The following B3GALT1 variants were observed in gnomAD, a reference collection of about 807,000 sequenced individuals.
B3GALT1 encodes the protein UDP-Gal:betaGlcNAc beta 1,3-galactosyltransferase, polypeptide 1.
Under a neutral mutation model 23.2 loss-of-function variants are expected in B3GALT1, and 10 were observed. That is an observed-to-expected ratio of 0.43 (90% CI 0.27 to 0.73). The LOEUF is 0.73. Ranked by LOEUF, B3GALT1 falls within the 30% of genes least tolerant of loss-of-function variation. B3GALT1 has a pLI of 0.21. For missense variants in B3GALT1, 299 were observed against 405.4 expected, an observed-to-expected ratio of 0.74 and a Z score of 2.25; for synonymous variants, 156 against 141.5, an observed-to-expected ratio of 1.10 and a Z score of -0.73.
intron 2 of B3GALT1, among the ~76,000 whole-genome samples, chr2:167,573,414 C>T (rs1030827266): frequency 1.3e-5 from 2 of 151,692 alleles, no homozygotes; most frequent in Non-Finnish European, 3.0e-5. Context: ...CTCATAATTG[C>T]AGTTTCATTC....
At chr2:167,838,200 G>A (rs1314107224) in intron 4 of B3GALT1, among the ~76,000 whole-genome samples, 1 of 151,530 alleles carries the variant, frequency 6.6e-6, no homozygotes, top group African/African-American at 2.4e-5. Context: ...AGGAAATAGA[G>A]ACACAAAAAA....
intron 3 of B3GALT1, among the ~76,000 whole-genome samples, chr2:167,674,406 A>G (rs561371916): frequency 2.1e-4 from 32 of 152,212 alleles, no homozygotes; most frequent in African/African-American, 7.5e-4. Flanking sequence ...AAATGTCCCA[A>G]TTTGTTTCAT....
intron 2 of B3GALT1, among the ~76,000 whole-genome samples, chr2:167,598,080 C>T (rs944603674): frequency 8.5e-5 from 13 of 152,106 alleles, no homozygotes; most frequent in Admixed American, 3.9e-4. Flanking sequence ...GAATCTAGTA[C>T]GGAATTCACA....
chr2:167,677,338 T>C (rs1686445899), intron 3 of B3GALT1, among the ~76,000 whole-genome samples: 1 of 152,208 alleles, frequency 6.6e-6, no homozygotes, highest in South Asian at 2.1e-4. Context: ...TAAACTATTT[T>C]TAAGGAACAG....
chr2:167,332,574 G>A (rs1696990241), intron 1 of B3GALT1, among the ~76,000 whole-genome samples: 1 of 152,212 alleles, frequency 6.6e-6, no homozygotes, highest in African/African-American at 2.4e-5. Context: ...AGGAAGTTAG[G>A]AAAGGTAGGT....
At chr2:167,802,973 A>G (rs1212472282) in intron 3 of B3GALT1, among the ~76,000 whole-genome samples, 1 of 152,132 alleles carries the variant, frequency 6.6e-6, no homozygotes, top group Non-Finnish European at 1.5e-5. Flanking sequence ...GTACCTACAC[A>G]TGTGTTATTT....
intron 1 of B3GALT1, among the ~76,000 whole-genome samples, chr2:167,411,983 G>A (rs963829455): frequency 1.3e-5 from 2 of 152,128 alleles, no homozygotes; most frequent in African/African-American, 2.4e-5. Flanking sequence ...GTTCTCACTC[G>A]TGTAGGAGCT....
intron 3 of B3GALT1, among the ~76,000 whole-genome samples, chr2:167,705,021 C>T (rs891343223): frequency 5.3e-5 from 8 of 152,198 alleles, no homozygotes; most frequent in Non-Finnish European, 1.2e-4. Context: ...TCCATCCCTC[C>T]TAGTGGGAAA....
chr2:167,841,284 G>C (rs1273636316), intron 4 of B3GALT1, among the ~76,000 whole-genome samples: 1 of 151,208 alleles, frequency 6.6e-6, no homozygotes, highest in African/African-American at 2.4e-5. Flanking sequence ...CCTGCCCCAG[G>C]GTGTTAGAGC....
intron 2 of B3GALT1, among the ~76,000 whole-genome samples, chr2:167,614,361 T>TA (rs202093579): frequency 0.025 from 3,579 of 144,652 alleles, 53 homozygotes; most frequent in Non-Finnish European, 0.041. Context: ...AAAGTCTTTG[T>TA]AAAAAAAAAA....
intron 2 of B3GALT1, among the ~76,000 whole-genome samples, chr2:167,522,503 C>T (rs781387208): frequency 1.3e-5 from 2 of 152,036 alleles, no homozygotes; most frequent in East Asian, 1.9e-4. Flanking sequence ...TGCCAATATC[C>T]GAGATGTTCA....
intron 2 of B3GALT1, among the ~76,000 whole-genome samples, chr2:167,569,608 A>C (rs1684254379): frequency 6.6e-6 from 1 of 151,846 alleles, no homozygotes. Context: ...ATTTGCAAAC[A>C]ATGAGCATTT....
In B3GALT1 at chr2:167,837,618, C is replaced by G. The variant is rs572011727; in HGVS notation, c.-230+18825C>G. Among the ~76,000 whole-genome samples the G allele has an allele frequency of 2.9e-4, 44 of 150,420 alleles. 1 individual carries two copies. Among genetic ancestry groups the G allele is most frequent in the Admixed American group, 2.6e-3 (39 of 15,110 alleles). ...CCACTGTCAACATTAGACAGATCAA[C>G]GAGACAGAAAGTCAACAAGGATACC... On this transcript the variant is annotated intron_variant, in intron 4 of 4. Coordinates refer to ENST00000392690, the MANE Select transcript of B3GALT1 (RefSeq NM_020981.4).
chr2:167,647,121 C>T (rs1379384771), intron 3 of B3GALT1, among the ~76,000 whole-genome samples, 155 bp downstream of exon 3: 6 of 152,066 alleles, frequency 3.9e-5, no homozygotes, highest in Admixed American at 3.9e-4. Context: ...AGACATGAAC[C>T]TTCTCAAGTA....
intron 2 of B3GALT1, among the ~76,000 whole-genome samples, chr2:167,566,979 T>A (rs1490964804): frequency 6.6e-6 from 1 of 152,224 alleles, no homozygotes; most frequent in Non-Finnish European, 1.5e-5. Flanking sequence ...TCTTGCAATC[T>A]TACTGCATCA....
chr2:167,628,937 A>G (rs555887752), intron 2 of B3GALT1, among the ~76,000 whole-genome samples: 6 of 151,834 alleles, frequency 4.0e-5, no homozygotes, highest in African/African-American at 1.4e-4. Flanking sequence ...TTACTTGCAT[A>G]GGGCACATGG....
At chr2:167,537,745 C>A (rs572915340) in intron 2 of B3GALT1, among the ~76,000 whole-genome samples, 45 of 151,814 alleles carry the variant, frequency 3.0e-4, no homozygotes, top group Non-Finnish European at 6.2e-4. Flanking sequence ...ACTGGTGGCT[C>A]AAAATGATCC....
chr2:167,457,878 C>G (rs1382277182), intron 1 of B3GALT1, among the ~76,000 whole-genome samples: 1 of 152,116 alleles, frequency 6.6e-6, no homozygotes, highest in African/African-American at 2.4e-5. Flanking sequence ...GGGGTGCTCC[C>G]CAACAATCTG....
At chr2:167,403,668 T>C (rs1467831829) in intron 1 of B3GALT1, among the ~76,000 whole-genome samples, 1 of 152,100 alleles carries the variant, frequency 6.6e-6, no homozygotes, top group East Asian at 1.9e-4. Flanking sequence ...TAATCTGCAC[T>C]GATATGGCTA....
Sources: allele counts gnomAD v4.1 joint callset (sites outside exome capture counted in the v4.1 genomes callset), GRCh38; gene constraint gnomAD v4.1.1; transcripts MANE v1.5; gene names NCBI Gene and HGNC (gene_info 2026-07-23, HGNC 2026-07-21).